Variants in TENM4 observed in about 807,000 individuals in gnomAD.
TENM4 encodes teneurin transmembrane protein 4.
Under a neutral mutation model 243.3 loss-of-function variants are expected in TENM4, and 82 were observed. The ratio of observed to expected loss-of-function variants is 0.34; its 90% CI spans 0.28 to 0.40. TENM4 has a LOEUF of 0.40. Among genes scored for constraint, TENM4 ranks in the 10% least tolerant of loss-of-function variants. The pLI, the probability that TENM4 is intolerant of heterozygous loss-of-function variation, is 1.00. For missense variants in TENM4, 3,138 were observed against 3,673.3 expected (o/e 0.85, Z 3.77); for synonymous variants, 1,412 against 1,456.3 (o/e 0.97, Z 0.69).
rs114993250 is a variant in TENM4, at chr11:78,865,086, G to A, written c.1085-1954C>T. On this transcript the variant is annotated intron_variant, in intron 9 of 33. Coordinates refer to ENST00000278550, the MANE Select transcript of TENM4 (RefSeq NM_001098816.3). ...AATCTCACCAGACTGAATTTACAGA[G>A]GTGCATATTAAGGCTCAGAAGGTTA... Among the ~76,000 whole-genome samples the A allele has an allele frequency of 4.4e-3, 667 of 152,206 alleles. 4 individuals carry two copies. Among genetic ancestry groups the A allele is most frequent in the African/African-American group, 0.015 (627 of 41,522 alleles).
At chr11:78,762,726 A>G (rs1856456468) in intron 18 of TENM4, among the ~76,000 whole-genome samples, 1 of 152,246 alleles carries the variant, frequency 6.6e-6, no homozygotes, top group Non-Finnish European at 1.5e-5. Flanking sequence ...GCTGCAGTTT[A>G]CAAGACCAGC....
intron 3 of TENM4, among the ~76,000 whole-genome samples, chr11:79,151,179 TCCATA>T (rs1352967475): frequency 6.6e-6 from 1 of 152,190 alleles, no homozygotes; most frequent in African/African-American, 2.4e-5. Context: ...AAGGCCTTTA[TCCATA>T]CTGTGTGCTG....
intron 6 of TENM4, among the ~76,000 whole-genome samples, chr11:79,023,484 C>T (rs1054274984): frequency 6.6e-6 from 1 of 151,028 alleles, no homozygotes; most frequent in Non-Finnish European, 1.5e-5. Context: ...ATCGCTTGAA[C>T]CTGGGAGGTG....
chr11:79,056,528 C>CCT (rs1859948419), intron 6 of TENM4, among the ~76,000 whole-genome samples: 1 of 151,972 alleles, frequency 6.6e-6, no homozygotes, highest in Non-Finnish European at 1.5e-5. Context: ...CAGCCAATTT[C>CCT]GTGCTATGCG....
At chr11:78,688,954 A>G (rs1375307580) in intron 28 of TENM4, among the ~76,000 whole-genome samples, 6 of 152,238 alleles carry the variant, frequency 3.9e-5, no homozygotes, top group Non-Finnish European at 8.8e-5. Flanking sequence ...TAAAAGAAAT[A>G]CCTACCATCA....
intron 3 of TENM4, among the ~76,000 whole-genome samples, chr11:79,180,140 A>G (rs987912080): frequency 6.6e-6 from 1 of 151,710 alleles, no homozygotes; most frequent in African/African-American, 2.4e-5. Flanking sequence ...TTGACTTTGC[A>G]TCTTAAGCTT....
chr11:78,724,436 A>G (rs1236353623), intron 23 of TENM4, among the ~76,000 whole-genome samples: 1 of 152,200 alleles, frequency 6.6e-6, no homozygotes, highest in Admixed American at 6.5e-5. Context: ...TATCTTTCTC[A>G]TTTAGATGTT....
chr11:79,148,822 A>G lies in TENM4; in HGVS notation c.-162-16T>C, dbSNP rs755810673. ...TTCAGTCTACCTGTTGAAAGAGACA[A>G]GAGACAAATCAGTCATTTTTGATGA... On this transcript the variant is annotated splice_polypyrimidine_tract_variant and intron_variant, in intron 3 of 33. Coordinates refer to ENST00000278550, the MANE Select transcript of TENM4 (RefSeq NM_001098816.3). 1 of 926,188 alleles carries G rather than the reference A, an allele frequency of 1.1e-6. No individual in the cohort carries two copies. Among genetic ancestry groups the G allele is most frequent in the Admixed American group, 6.2e-5 (1 of 16,176 alleles). The allele number at this position is 926,188 out of a possible 1,614,324, so 57.4% of individuals were successfully genotyped here.
At position 79,146,889 on chromosome 11, in the gene TENM4, C is replaced by T. The variant is rs370351377; in HGVS notation, c.-66+1821G>A. On this transcript the variant is annotated intron_variant, in intron 4 of 33. Coordinates refer to ENST00000278550, the MANE Select transcript of TENM4 (RefSeq NM_001098816.3). Reference sequence around the variant, plus strand: ...TGACACCATAGCCTGTGTTTTCATTCCTCTGTTATACTCCTTAGAGGCAGC... The same window carrying T: ...TGACACCATAGCCTGTGTTTTCATTTCTCTGTTATACTCCTTAGAGGCAGC... Among the ~76,000 whole-genome samples, 311 of 152,216 alleles carry T rather than the reference C, an allele frequency of 2.0e-3. 9 individuals carry two copies. In the South Asian group the frequency reaches 0.047, roughly 23 times the overall value.
intron 5 of TENM4, among the ~76,000 whole-genome samples, chr11:79,066,397 C>A (rs996250923): frequency 6.6e-6 from 1 of 152,126 alleles, no homozygotes; most frequent in Non-Finnish European, 1.5e-5. Flanking sequence ...GGGTAGGAGG[C>A]GAGCCAGCAG....
In TENM4 at chr11:79,179,030, A is replaced by T. The variant is rs144058679; in HGVS notation, c.-162-30224T>A. 3.2e-3 allele frequency among the ~76,000 whole-genome samples: 495 copies of T among 152,358 alleles called. 7 individuals carry two copies. The highest frequency in any genetic ancestry group is 0.016 in the East Asian group (85 of 5,184). ...AAAAGACTCCATATTATTTCTGCAG[A>T]GTAAGGCTGGTACAAGGACGTCAGT... On this transcript the variant is annotated intron_variant, in intron 3 of 33. Transcript: ENST00000278550.
At chr11:79,000,645 G>C (rs1341069349) in intron 6 of TENM4, among the ~76,000 whole-genome samples, 1 of 151,964 alleles carries the variant, frequency 6.6e-6, no homozygotes, top group East Asian at 1.9e-4. Flanking sequence ...AATCAACAAA[G>C]GTATTACAAT....
At chr11:79,210,420 T>C (rs1234630496) in intron 3 of TENM4, among the ~76,000 whole-genome samples, 1 of 152,250 alleles carries the variant, frequency 6.6e-6, no homozygotes, top group Non-Finnish European at 1.5e-5. Context: ...TTGGTGTCCC[T>C]GTTCAATTTT....
intron 28 of TENM4, among the ~76,000 whole-genome samples, chr11:78,693,321 G>C (rs1479715277): frequency 6.6e-6 from 1 of 152,110 alleles, no homozygotes; most frequent in Non-Finnish European, 1.5e-5. Flanking sequence ...GTGAAGAGGA[G>C]GCTCAGAGAG....
chr11:78,777,673 G>T (rs966870598), intron 17 of TENM4, among the ~76,000 whole-genome samples: 3 of 152,148 alleles, frequency 2.0e-5, no homozygotes, highest in Non-Finnish European at 2.9e-5. Context: ...CTTGCCCAAG[G>T]TCACTTAGTT....
rs568170810 is a variant in TENM4, at chr11:78,983,448, G to A, written c.494-79925C>T. ...AGTCAGCTAAACTGTGCCCTAGTCT[G>A]TGCTTTTGTTTGTCATCCATTCGAC... is the stretch of plus-strand genomic sequence containing the variant. On this transcript the variant is annotated intron_variant, in intron 6 of 33. Transcript: ENST00000278550. 3.0e-4 allele frequency among the ~76,000 whole-genome samples: 45 copies of A among 152,354 alleles called. 1 individual carries two copies. In the South Asian group the frequency reaches 9.3e-3, roughly 32 times the overall value.
At chr11:79,138,503 T>C (rs1169281252) in intron 4 of TENM4, among the ~76,000 whole-genome samples, 1 of 118,510 alleles carries the variant, frequency 8.4e-6, no homozygotes, top group East Asian at 2.2e-4. Context: ...ATACATAATA[T>C]ATTAAAATAT....
At chr11:78,938,571 C>A (rs143261188) in intron 6 of TENM4, among the ~76,000 whole-genome samples, 3 of 151,984 alleles carry the variant, frequency 2.0e-5, no homozygotes, top group African/African-American at 4.8e-5. Context: ...GAAAAATATG[C>A]CCTCTACTTA....
chr11:78,889,800 G>A lies in TENM4; in HGVS notation c.1069C>T (p.Leu357=), dbSNP rs1855621926. Residue 357 remains leucine, a synonymous_variant, in exon 9 of 34, where the codon CTG becomes TTG. Transcript: ENST00000278550. ...IVISATLVIL[L]AYFVAMHLFG... ...AGGTGCTTACCCACAAAGTATGCCAGCAGGATGACCAGAGTGGCTGAGATG... is the reference window on the plus strand; with the variant it reads ...AGGTGCTTACCCACAAAGTATGCCAACAGGATGACCAGAGTGGCTGAGATG... 4 of 1,552,116 alleles carry A rather than the reference G, an allele frequency of 2.6e-6. No individual in the cohort carries two copies. Among genetic ancestry groups the A allele is most frequent in the Non-Finnish European group, 2.6e-6 (3 of 1,147,088 alleles).
Sources: gnomAD v4.1 joint callset for allele counts (sites outside exome capture counted in the v4.1 genomes callset) on GRCh38, gnomAD v4.1.1 for gene constraint, MANE v1.5 for transcripts, NCBI Gene and HGNC (gene_info 2026-07-23, HGNC 2026-07-21) for gene names.